VTI1A: variants seen among roughly 807,000 people sequenced by gnomAD.
VTI1A encodes the protein vesicle transport through interaction with t-SNAREs homolog 1A.
Under a neutral mutation model 34.9 loss-of-function variants are expected in VTI1A, and 22 were observed. The observed-to-expected ratio is 0.63, with a 90% CI of 0.45 to 0.90. The LOEUF (loss-of-function observed/expected upper bound fraction) is 0.90, where lower values mean the gene tolerates loss of function less well. VTI1A is among the 40% of genes least tolerant of loss of function. VTI1A has a pLI of 0.00. For synonymous variants in VTI1A, 87 were observed against 97.3 expected (o/e 0.89, Z 0.62); for missense variants, 268 against 275.6 (o/e 0.97, Z 0.20).
At chr10:112,484,174 C>T (rs1028766693) in intron 3 of VTI1A, among the ~76,000 whole-genome samples, 5 of 152,212 alleles carry the variant, frequency 3.3e-5, no homozygotes, top group African/African-American at 1.2e-4. Flanking sequence ...GGTGTCAGCT[C>T]TAATACTAAC....
the VTI1A span, among the ~76,000 whole-genome samples, chr10:112,842,997 A>G: frequency 9.6e-4 from 146 of 152,354 alleles, no homozygotes; most frequent in African/African-American, 3.2e-3. Flanking sequence ...GAGCTCACCC[A>G]GAAGCTGCAA....
intron 2 of VTI1A, among the ~76,000 whole-genome samples, 180 bp downstream of exon 2, chr10:112,460,762 C>T (rs1337461412): frequency 6.6e-6 from 1 of 151,958 alleles, no homozygotes; most frequent in African/African-American, 2.4e-5. Flanking sequence ...TTTTATTCTT[C>T]TTAGCAAAGG....
At chr10:112,447,559 C>A in intron 1 of VTI1A, 92 bp downstream of exon 1, 1 of 1,431,700 alleles carries the variant, frequency 7.0e-7, no homozygotes. Flanking sequence ...GTCTATGAGG[C>A]GCGAGGCTGG....
chr10:112,563,695 A>G (rs1851810019), intron 5 of VTI1A, among the ~76,000 whole-genome samples: 1 of 152,240 alleles, frequency 6.6e-6, no homozygotes, highest in Non-Finnish European at 1.5e-5. Context: ...TATTAACGTC[A>G]AATTAGCACC....
At chr10:112,482,873 C>G (rs1444702611) in intron 3 of VTI1A, among the ~76,000 whole-genome samples, 1 of 152,156 alleles carries the variant, frequency 6.6e-6, no homozygotes, top group African/African-American at 2.4e-5. Flanking sequence ...ATTCTTACCT[C>G]CAAGAAAGCA....
rs75930682 is a variant in VTI1A, at chr10:112,817,351, G to A, written c.*1968G>A. 8.6e-4 allele frequency: 199 copies of A among 232,324 alleles called. 1 individual carries two copies. The highest frequency in any genetic ancestry group is 3.5e-3 in the African/African-American group (158 of 45,410). The allele number at this position is 232,324 out of a possible 1,614,324, so 14.4% of individuals were successfully genotyped here. A position where few individuals can be genotyped will look rare whatever the true frequency, so the allele number is the denominator to read the frequency against. On this transcript the variant is annotated 3_prime_UTR_variant, in exon 8 of 8. Coordinates refer to ENST00000393077, the MANE Select transcript of VTI1A (RefSeq NM_145206.4). ...GTTGATCGGATCATCTAAACTGGCC[G>A]CCTCCTGAATATTTCACTGAATCCT...
intron 5 of VTI1A, among the ~76,000 whole-genome samples, chr10:112,632,050 A>G (rs911218824): frequency 2.0e-5 from 3 of 152,208 alleles, no homozygotes; most frequent in South Asian, 2.1e-4. Flanking sequence ...TTGGCCAGCC[A>G]TGGTTATGTT....
At chr10:112,666,862 A>G (rs1032550726) in intron 5 of VTI1A, among the ~76,000 whole-genome samples, 3 of 152,178 alleles carry the variant, frequency 2.0e-5, no homozygotes, top group Admixed American at 6.6e-5. Flanking sequence ...TGTGCTAAAT[A>G]TTGTAACTGA....
At chr10:112,499,732 A>G (rs1849157597) in intron 3 of VTI1A, among the ~76,000 whole-genome samples, 1 of 152,130 alleles carries the variant, frequency 6.6e-6, no homozygotes, top group African/African-American at 2.4e-5. Flanking sequence ...TTAATGTGCC[A>G]TCTACACAGT....
chr10:112,702,583 C>A (rs995915599), intron 7 of VTI1A, among the ~76,000 whole-genome samples: 1 of 151,494 alleles, frequency 6.6e-6, no homozygotes, highest in Non-Finnish European at 1.5e-5. Context: ...CCACACCCAG[C>A]TAATTTATTT....
intron 5 of VTI1A, among the ~76,000 whole-genome samples, chr10:112,572,498 A>G (rs6585158): frequency 0.11 from 16,620 of 152,212 alleles, 2,408 homozygotes; most frequent in African/African-American, 0.33. Flanking sequence ...ACTATCATTA[A>G]ACAATCAAAA....
intron 7 of VTI1A, among the ~76,000 whole-genome samples, chr10:112,669,547 T>C (rs1847772723): frequency 6.6e-6 from 1 of 152,180 alleles, no homozygotes; most frequent in Non-Finnish European, 1.5e-5. Context: ...TCTACCTTGA[T>C]TGATGGAAAA....
intron 5 of VTI1A, among the ~76,000 whole-genome samples, chr10:112,553,748 C>T (rs1312290446): frequency 2.0e-5 from 3 of 152,232 alleles, no homozygotes; most frequent in Non-Finnish European, 4.4e-5. Context: ...CTGTGTTCCA[C>T]TGTCAAGAAC....
At chr10:112,618,794 G>C (rs1244127561) in intron 5 of VTI1A, among the ~76,000 whole-genome samples, 2 of 151,934 alleles carry the variant, frequency 1.3e-5, no homozygotes, top group Non-Finnish European at 2.9e-5. Flanking sequence ...AATATTATTA[G>C]GACATCCAAG....
chr10:112,646,076 G>C (rs946903861), intron 5 of VTI1A, among the ~76,000 whole-genome samples: 7 of 151,120 alleles, frequency 4.6e-5, no homozygotes, highest in Non-Finnish European at 1.0e-4. Flanking sequence ...ATGTTTATAA[G>C]TAGAAGGAAC....
At chr10:112,526,565 GC>G (rs1378767279) in intron 3 of VTI1A, among the ~76,000 whole-genome samples, 4 of 152,058 alleles carry the variant, frequency 2.6e-5, no homozygotes, top group Non-Finnish European at 4.4e-5. Context: ...CTGGTTAGTA[GC>G]ATCACAATAA....
downstream of VTI1A, among the ~76,000 whole-genome samples, chr10:112,822,395 A>C (rs1853669913): frequency 6.6e-6 from 1 of 152,100 alleles, no homozygotes; most frequent in African/African-American, 2.4e-5. Flanking sequence ...CCTGGCTGAG[A>C]AGGATCGAGA....
chr10:112,631,863 A>G (rs1846142678), intron 5 of VTI1A, among the ~76,000 whole-genome samples: 1 of 152,226 alleles, frequency 6.6e-6, no homozygotes, highest in Non-Finnish European at 1.5e-5. Flanking sequence ...TCTTTAGCCC[A>G]GGATTGCTCA....
chr10:112,666,827 CTTA>C (rs1847657699), intron 5 of VTI1A, among the ~76,000 whole-genome samples: 2 of 152,072 alleles, frequency 1.3e-5, no homozygotes, highest in South Asian at 2.1e-4. Flanking sequence ...TCAATAAATG[CTTA>C]TTATTGTTGT....
Sources: gnomAD v4.1 joint callset for allele counts (sites outside exome capture counted in the v4.1 genomes callset) on GRCh38, gnomAD v4.1.1 for gene constraint, MANE v1.5 for transcripts, NCBI Gene and HGNC (gene_info 2026-07-23, HGNC 2026-07-21) for gene names.